The following SAMD12 variants were observed in gnomAD, a reference collection of about 807,000 sequenced individuals.
SAMD12 encodes the protein sterile alpha motif domain-containing protein 12.
SAMD12 carries 9 observed loss-of-function variants against 15.0 expected under a neutral mutation model. The ratio of observed to expected loss-of-function variants is 0.60; its 90% CI spans 0.36 to 1.05. The LOEUF is 1.05. SAMD12 is among the 50% of genes least tolerant of loss of function. SAMD12 has a pLI of 0.01. For synonymous variants in SAMD12, 86 were observed against 90.1 expected (o/e 0.96, Z 0.25); for missense variants, 230 against 234.2 (o/e 0.98, Z 0.12).
intron 4 of SAMD12, chr8:118,284,391 T>C (rs1261838397): frequency 4.4e-6 from 2 of 453,642 alleles, no homozygotes; most frequent in Non-Finnish European, 4.4e-6. Context: ...AATCAGAATA[T>C]CCTGTTTTGA....
At chr8:118,571,728 A>G (rs988530365) in intron 2 of SAMD12, among the ~76,000 whole-genome samples, 2 of 152,184 alleles carry the variant, frequency 1.3e-5, no homozygotes, top group Non-Finnish European at 2.9e-5. Flanking sequence ...CACAGGAGTC[A>G]AGAATTGGGG....
intron 1 of SAMD12, among the ~76,000 whole-genome samples, chr8:118,596,868 C>T (rs1022886103): frequency 6.6e-6 from 1 of 152,138 alleles, no homozygotes; most frequent in Admixed American, 6.5e-5. Context: ...GTTTCAGGTA[C>T]TCTAAATTGT....
intron 2 of SAMD12, among the ~76,000 whole-genome samples, chr8:118,470,011 A>G (rs1476721417): frequency 6.6e-6 from 1 of 152,200 alleles, no homozygotes; most frequent in Non-Finnish European, 1.5e-5. Flanking sequence ...ATACATATAT[A>G]TGTATATAAT....
chr8:118,293,698 A>AC (rs1814543521), intron 4 of SAMD12, among the ~76,000 whole-genome samples: 1 of 152,006 alleles, frequency 6.6e-6, no homozygotes, highest in South Asian at 2.1e-4. Context: ...AAATGCCAAT[A>AC]CCCCCAATGT....
chr8:118,300,252 C>G (rs1814945609), intron 4 of SAMD12, among the ~76,000 whole-genome samples: 1 of 152,164 alleles, frequency 6.6e-6, no homozygotes, highest in Non-Finnish European at 1.5e-5. Flanking sequence ...AACACTAGAA[C>G]TTATTCATCC....
the SAMD12 span, among the ~76,000 whole-genome samples, chr8:118,164,985 G>GTGTGTGTGTGTA: frequency 6.6e-6 from 1 of 151,420 alleles, no homozygotes; most frequent in African/African-American, 2.4e-5. Context: ...ATGTGTGTGT[G>GTGTGTGTGTGTA]TGTGTGTGTG....
At chr8:118,281,749 G>A (rs1257813633) in intron 4 of SAMD12, among the ~76,000 whole-genome samples, 1 of 152,200 alleles carries the variant, frequency 6.6e-6, no homozygotes, top group Non-Finnish European at 1.5e-5. Flanking sequence ...CAAGTTAAAT[G>A]CAGGTCCTCT....
intron 3 of SAMD12, among the ~76,000 whole-genome samples, chr8:118,387,649 G>C (rs1047269270): frequency 6.6e-6 from 1 of 152,026 alleles, no homozygotes; most frequent in African/African-American, 2.4e-5. Flanking sequence ...TGCAGTTCTG[G>C]GATACAAACA....
At chr8:118,461,785 A>G (rs1368106897) in intron 2 of SAMD12, among the ~76,000 whole-genome samples, 2 of 152,244 alleles carry the variant, frequency 1.3e-5, no homozygotes, top group Non-Finnish European at 2.9e-5. Flanking sequence ...CCTAAGAAAT[A>G]TGCAAGCACT....
chr8:118,464,689 C>A (rs1176789886), intron 2 of SAMD12, among the ~76,000 whole-genome samples: 3 of 152,004 alleles, frequency 2.0e-5, no homozygotes, highest in Non-Finnish European at 4.4e-5. Flanking sequence ...CTGTTACAGG[C>A]TCCTAGTGGG....
At chr8:118,444,944 G>C (rs1822866378) in intron 2 of SAMD12, among the ~76,000 whole-genome samples, 1 of 152,168 alleles carries the variant, frequency 6.6e-6, no homozygotes, top group Non-Finnish European at 1.5e-5. Flanking sequence ...AGAATGCTTA[G>C]ACTGTTTACA....
intron 3 of SAMD12, among the ~76,000 whole-genome samples, chr8:118,428,826 A>T (rs1413169751): frequency 2.0e-5 from 3 of 152,132 alleles, no homozygotes; most frequent in Non-Finnish European, 4.4e-5. Flanking sequence ...CCAGTACCAT[A>T]TTACCTTGGT....
intron 2 of SAMD12, among the ~76,000 whole-genome samples, chr8:118,490,273 T>C (rs1380734142): frequency 6.6e-6 from 1 of 152,166 alleles, no homozygotes; most frequent in Non-Finnish European, 1.5e-5. Flanking sequence ...GGTTCCCATA[T>C]TGTTGGCAAT....
chr8:118,469,971 G>T (rs1449407990), intron 2 of SAMD12, among the ~76,000 whole-genome samples: 3 of 152,064 alleles, frequency 2.0e-5, no homozygotes, highest in Admixed American at 6.6e-5. Flanking sequence ...TTATGACATG[G>T]ATACCATAAT....
chr8:118,588,843 G>A (rs1252816056), intron 1 of SAMD12, among the ~76,000 whole-genome samples: 1 of 152,150 alleles, frequency 6.6e-6, no homozygotes, highest in Admixed American at 6.5e-5. Context: ...TAATTTAAAT[G>A]AGCTAAATTA....
chr8:118,157,935 T>C, the SAMD12 span, among the ~76,000 whole-genome samples: 1 of 152,208 alleles, frequency 6.6e-6, no homozygotes, highest in Non-Finnish European at 1.5e-5. Context: ...AGGTGAGCCT[T>C]ATCATTGCTC....
chr8:118,301,867 AC>A (rs1447321280), intron 4 of SAMD12, among the ~76,000 whole-genome samples: 1 of 152,080 alleles, frequency 6.6e-6, no homozygotes, highest in Non-Finnish European at 1.5e-5. Flanking sequence ...AGAGTCCATG[AC>A]CAGTATTTTA....
chr8:118,406,047 G>A (rs1821114303), intron 3 of SAMD12, among the ~76,000 whole-genome samples: 1 of 151,908 alleles, frequency 6.6e-6, no homozygotes, highest in Non-Finnish European at 1.5e-5. Flanking sequence ...GAGAAATGTT[G>A]GTTTAACCAG....
the SAMD12 span, among the ~76,000 whole-genome samples, chr8:118,148,496 A>G: frequency 6.6e-6 from 1 of 152,224 alleles, no homozygotes; most frequent in African/African-American, 2.4e-5. Context: ...AAATCGTACA[A>G]ACATTATGAT....
Sources: gnomAD v4.1 joint callset for allele counts (sites outside exome capture counted in the v4.1 genomes callset) on GRCh38, gnomAD v4.1.1 for gene constraint, MANE v1.5 for transcripts, NCBI Gene and HGNC (gene_info 2026-07-23, HGNC 2026-07-21) for gene names.